Variants in DHRS7B observed in about 807,000 individuals in gnomAD.
DHRS7B encodes peroxisomal reductase activating PPAR-gamma.
Under a neutral mutation model 26.4 loss-of-function variants are expected in DHRS7B, and 24 were observed. The ratio of observed to expected loss-of-function variants is 0.91; its 90% CI spans 0.66 to 1.28. The LOEUF is 1.28. DHRS7B is among the 50% of genes most tolerant of loss of function. DHRS7B has a pLI of 0.00. For missense variants in DHRS7B, 368 were observed against 419.4 expected (o/e 0.88, Z 1.07); for synonymous variants, 142 against 166.4 (o/e 0.85, Z 1.13).
At chr17:21,168,648 C>T (rs772248646) in intron 1 of DHRS7B, 127 of 892,568 alleles carry the variant, frequency 1.4e-4, no homozygotes, top group Admixed American at 2.5e-4. Flanking sequence ...GAATTACAGG[C>T]GCGAGGCACT....
At chr17:21,182,023 G>A (rs1429426739) in intron 3 of DHRS7B, among the ~76,000 whole-genome samples, 1 of 152,172 alleles carries the variant, frequency 6.6e-6, no homozygotes, top group East Asian at 1.9e-4. Flanking sequence ...TGATCTTAGA[G>A]GAAGGCTTTC....
chr17:21,178,178 A>G, intron 2 of DHRS7B, 55 bp from the exon 3 acceptor site: 2 of 1,552,508 alleles, frequency 1.3e-6, no homozygotes, highest in Non-Finnish European at 1.8e-6. Flanking sequence ...GGGTGAATTT[A>G]AACTGAACGG....
chr17:21,165,225 A>G (rs943567950), intron 1 of DHRS7B, among the ~76,000 whole-genome samples: 1 of 151,530 alleles, frequency 6.6e-6, no homozygotes, highest in Non-Finnish European at 1.5e-5. Context: ...TCACCACCAC[A>G]GTCAGTGCCT....
Position 21,155,778 on chromosome 17 carries a change from C to T in DHRS7B, c.21-16240C>T, listed in dbSNP as rs553411845. 8.5e-5 allele frequency among the ~76,000 whole-genome samples: 13 copies of T among 152,146 alleles called. No individual in the cohort carries two copies. The South Asian group carries it at 1.7e-3, about 19-fold the overall frequency. ...AAATACATTGTCTGCTTCCAGACCACGATGGAATTGAACTAGAAATCAGTA... is the reference window on the plus strand; with the variant it reads ...AAATACATTGTCTGCTTCCAGACCATGATGGAATTGAACTAGAAATCAGTA... On this transcript the variant is annotated intron_variant, in intron 1 of 6. Coordinates refer to ENST00000395511, the MANE Select transcript of DHRS7B (RefSeq NM_015510.5).
intron 1 of DHRS7B, among the ~76,000 whole-genome samples, chr17:21,133,054 C>A (rs1165899274): frequency 2.0e-5 from 3 of 152,130 alleles, no homozygotes; most frequent in Admixed American, 1.3e-4. Flanking sequence ...TCATACCTAC[C>A]TCCGGATTGC....
rs762838881 is a variant in DHRS7B at position 21,172,189 on chromosome 17, G to C, written c.192G>C (p.Leu64=). 1 of 1,611,034 alleles carries C rather than the reference G, an allele frequency of 6.2e-7. No homozygotes were observed. The highest frequency in any genetic ancestry group is 1.1e-5 in the South Asian group (1 of 90,664). Residue 64 remains leucine, a synonymous_variant, in exon 2 of 7, where the codon CTG becomes CTC. Transcript: ENST00000395511. ...TGATCACAGGCGCCACCTCAGGGCT[G>C]GGCAAAGGTGGGTCCTGGAGGCAGT... is the stretch of plus-strand genomic sequence containing the variant. ...VVVITGATSG[L]GKECAKVFYA...
At chr17:21,140,147 C>A (rs1391061609) in intron 1 of DHRS7B, among the ~76,000 whole-genome samples, 2 of 151,276 alleles carry the variant, frequency 1.3e-5, no homozygotes, top group Admixed American at 6.6e-5. Context: ...GCCTCAGCCT[C>A]CCCCTAGCTG....
intron 1 of DHRS7B, among the ~76,000 whole-genome samples, chr17:21,130,739 T>C (rs999765732): frequency 6.6e-6 from 1 of 152,220 alleles, no homozygotes; most frequent in Non-Finnish European, 1.5e-5. Context: ...CAGTAAAATG[T>C]TGGACTAGAG....
chr17:21,166,258 G>T, intron 1 of DHRS7B: 1 of 985,426 alleles, frequency 1.0e-6, no homozygotes, highest in Non-Finnish European at 1.2e-6. Context: ...CCTTCCTTCA[G>T]GTTTTATTTT....
At chr17:21,142,358 G>C (rs536637203) in intron 1 of DHRS7B, among the ~76,000 whole-genome samples, 1 of 152,188 alleles carries the variant, frequency 6.6e-6, no homozygotes, top group African/African-American at 2.4e-5. Flanking sequence ...TTAACTACCA[G>C]GCTTAGGTCA....
intron 3 of DHRS7B, among the ~76,000 whole-genome samples, chr17:21,178,762 G>A (rs555332317): frequency 4.6e-5 from 7 of 151,558 alleles, no homozygotes; most frequent in African/African-American, 1.7e-4. Context: ...GGGTTCAAGC[G>A]ATTCTTCCGC....
At chr17:21,150,901 A>G (rs1973755235) in intron 1 of DHRS7B, among the ~76,000 whole-genome samples, 1 of 152,184 alleles carries the variant, frequency 6.6e-6, no homozygotes, top group African/African-American at 2.4e-5. Flanking sequence ...TAACATGCCC[A>G]CTGATTCTAG....
chr17:21,143,047 G>A (rs1408268760), intron 1 of DHRS7B, among the ~76,000 whole-genome samples: 1 of 152,206 alleles, frequency 6.6e-6, no homozygotes, highest in Non-Finnish European at 1.5e-5. Flanking sequence ...TCTTGCCTCA[G>A]CCTCCTGAGC....
chr17:21,138,159 A>G (rs1176996061), intron 1 of DHRS7B, among the ~76,000 whole-genome samples: 1 of 131,458 alleles, frequency 7.6e-6, no homozygotes, highest in Non-Finnish European at 1.6e-5. Context: ...TATACTGACC[A>G]TTCGTGACAT....
chr17:21,143,863 A>C (rs1973583394), intron 1 of DHRS7B, among the ~76,000 whole-genome samples: 1 of 152,226 alleles, frequency 6.6e-6, no homozygotes, highest in African/African-American at 2.4e-5. Context: ...AACATGTTAA[A>C]AGTGTTTGCT....
Position 21,138,093 on chromosome 17 carries a change from T to TACACACACAC in DHRS7B, c.20+11103_20+11104insCACACACACA, listed in dbSNP as rs1199383924. Among the ~76,000 whole-genome samples, 101 of 78,156 alleles carry TACACACACAC rather than the reference T, an allele frequency of 1.3e-3. 2 individuals are homozygous for TACACACACAC. Among genetic ancestry groups the TACACACACAC allele is most frequent in the African/African-American group, 4.0e-3 (66 of 16,392 alleles). The allele number at this position is 78,156 out of a possible 152,430, so 51.3% of individuals were successfully genotyped here. A position where few individuals can be genotyped will look rare whatever the true frequency, so the allele number is the denominator to read the frequency against. Reference sequence around the variant, plus strand: ...AAAAAAAAATATATATATATATATATATATATATACACACACACACACACA... The same window carrying TACACACACAC: ...AAAAAAAAATATATATATATATATATACACACACACATATATATACACACACACACACACA... On this transcript the variant is annotated intron_variant, in intron 1 of 6. Transcript: ENST00000395511.
chr17:21,154,491 A>G (rs1465281079), intron 1 of DHRS7B, among the ~76,000 whole-genome samples: 1 of 152,186 alleles, frequency 6.6e-6, no homozygotes, highest in Non-Finnish European at 1.5e-5. Flanking sequence ...AAAATAAATA[A>G]ATGAAATTGG....
chr17:21,131,683 TG>T (rs1271347519), intron 1 of DHRS7B, among the ~76,000 whole-genome samples: 3 of 152,242 alleles, frequency 2.0e-5, no homozygotes, highest in African/African-American at 7.2e-5. Context: ...AAAATAGAGT[TG>T]CTCTGGTTCA....
chr17:21,140,836 C>T (rs1404832867), intron 1 of DHRS7B, among the ~76,000 whole-genome samples: 1 of 152,134 alleles, frequency 6.6e-6, no homozygotes, highest in Non-Finnish European at 1.5e-5. Context: ...CTATGGAATG[C>T]TCAAAAGGGG....
Sources: allele counts gnomAD v4.1 joint callset (sites outside exome capture counted in the v4.1 genomes callset), GRCh38; gene constraint gnomAD v4.1.1; transcripts MANE v1.5; gene names NCBI Gene and HGNC (gene_info 2026-07-23, HGNC 2026-07-21).